GABBR2: variants seen among roughly 807,000 people sequenced by gnomAD.
GABBR2 encodes gamma-aminobutyric acid type B receptor subunit 2, also known as G-protein coupled receptor 51.
In GABBR2, 23 loss-of-function variants were observed where a neutral mutation model predicts 105.6. That is an observed-to-expected ratio of 0.22 (90% CI 0.16 to 0.31). The LOEUF is 0.31. Among genes scored for constraint, GABBR2 ranks in the 10% least tolerant of loss-of-function variants. The pLI, the probability that GABBR2 is intolerant of heterozygous loss-of-function variation, is 1.00. For synonymous variants in GABBR2, 478 were observed against 499.7 expected (o/e 0.96, Z 0.58); for missense variants, 734 against 1,245.5 (o/e 0.59, Z 6.18).
chr9:98,578,683 T>C (rs1182894), intron 1 of GABBR2, among the ~76,000 whole-genome samples: 112,080 of 152,078 alleles, frequency 0.74, 41,910 homozygotes, highest in African/African-American at 0.84. Context: ...GTATCATTCA[T>C]GATAGCCAAC....
chr9:98,329,556 C>T (rs13297711), intron 13 of GABBR2, among the ~76,000 whole-genome samples: 41,222 of 152,106 alleles, frequency 0.27, 5,848 homozygotes, highest in East Asian at 0.48. Context: ...TCCCTAGCCA[C>T]GTTCACCCAC....
intron 1 of GABBR2, among the ~76,000 whole-genome samples, chr9:98,645,305 G>A (rs2131840543): frequency 6.6e-6 from 1 of 152,350 alleles, no homozygotes; most frequent in Non-Finnish European, 1.5e-5. Context: ...AGAGCTGGGA[G>A]ACTAAAAGCA....
At chr9:98,418,351 C>A (rs1832724314) in intron 7 of GABBR2, among the ~76,000 whole-genome samples, 1 of 152,042 alleles carries the variant, frequency 6.6e-6, no homozygotes, top group African/African-American at 2.4e-5. Context: ...GGCTAGGCAA[C>A]ATAGCGAGAC....
At chr9:98,440,213 T>G (rs56305554) in intron 7 of GABBR2, among the ~76,000 whole-genome samples, 3 of 151,410 alleles carry the variant, frequency 2.0e-5, no homozygotes, top group Non-Finnish European at 4.4e-5. Flanking sequence ...TTCTTGCTCT[T>G]GTTCTGTCCC....
chr9:98,508,048 C>A (rs1827548917), intron 3 of GABBR2, among the ~76,000 whole-genome samples: 1 of 152,300 alleles, frequency 6.6e-6, no homozygotes. Flanking sequence ...TTCCTTGTGA[C>A]AAACTGCCCA....
At position 98,492,432 on chromosome 9, in the gene GABBR2, C is replaced by G. The variant is rs142480268; in HGVS notation, c.732+3981G>C. On this transcript the variant is annotated intron_variant, in intron 4 of 18. Transcript: ENST00000259455. Reference sequence around the variant, plus strand: ...GACTATATACAGAGTTCCCATACAACCCCTCATCCAGTTTTCCCTATTATT... The same window carrying G: ...GACTATATACAGAGTTCCCATACAAGCCCTCATCCAGTTTTCCCTATTATT... Among the ~76,000 whole-genome samples, 578 of 142,558 alleles carry G rather than the reference C, an allele frequency of 4.1e-3. 13 individuals carry two copies. Among genetic ancestry groups the G allele is most frequent in the Admixed American group, 0.013 (180 of 13,486 alleles). 93.5% of individuals were successfully genotyped at this position (142,558 alleles called of 152,430 possible). A position where few individuals can be genotyped will look rare whatever the true frequency, so the allele number is the denominator to read the frequency against.
intron 7 of GABBR2, among the ~76,000 whole-genome samples, chr9:98,448,224 T>C (rs550603533): frequency 2.6e-5 from 4 of 151,044 alleles, no homozygotes; most frequent in Middle Eastern, 3.2e-3. Context: ...CCACCGAGAA[T>C]GAGGGACAGT....
At chr9:98,414,829 T>A (rs1044350408) in intron 7 of GABBR2, among the ~76,000 whole-genome samples, 1 of 152,088 alleles carries the variant, frequency 6.6e-6, no homozygotes, top group African/African-American at 2.4e-5. Context: ...GCTTCCCCGT[T>A]TTCCCCCCTG....
chr9:98,466,662 T>C (rs2808551), intron 6 of GABBR2, among the ~76,000 whole-genome samples: 106,596 of 152,160 alleles, frequency 0.7, 40,224 homozygotes, highest in East Asian at 0.9. Flanking sequence ...TACAAATCTG[T>C]GAGAGAGATA....
intron 6 of GABBR2, among the ~76,000 whole-genome samples, chr9:98,463,753 G>A (rs1207248924): frequency 2.0e-5 from 3 of 152,066 alleles, no homozygotes; most frequent in South Asian, 4.2e-4. Context: ...CTCCTGCCTC[G>A]GCCTGCCTAG....
intron 12 of GABBR2, among the ~76,000 whole-genome samples, chr9:98,367,144 T>G (rs1831691448): frequency 6.7e-6 from 1 of 149,582 alleles, no homozygotes; most frequent in African/African-American, 2.5e-5. Context: ...GCATATGGGG[T>G]GAAGTTTGTG....
intron 7 of GABBR2, among the ~76,000 whole-genome samples, chr9:98,441,083 T>C (rs1826022879): frequency 6.6e-6 from 1 of 152,232 alleles, no homozygotes; most frequent in Non-Finnish European, 1.5e-5. Context: ...ATTTGCTATT[T>C]ATATTTTCAA....
intron 1 of GABBR2, among the ~76,000 whole-genome samples, chr9:98,597,346 G>A (rs1374950742): frequency 1.3e-5 from 2 of 152,230 alleles, no homozygotes; most frequent in Non-Finnish European, 2.9e-5. Context: ...CATGGGCTGA[G>A]TGCCCACTAG....
At chr9:98,319,568 T>G (rs1282979981) in intron 13 of GABBR2, among the ~76,000 whole-genome samples, 1 of 151,894 alleles carries the variant, frequency 6.6e-6, no homozygotes, top group East Asian at 1.9e-4. Flanking sequence ...GAGCAATTAT[T>G]TGTTGGGAGG....
intron 3 of GABBR2, among the ~76,000 whole-genome samples, chr9:98,511,148 A>T (rs1170973510): frequency 6.6e-6 from 1 of 152,182 alleles, no homozygotes; most frequent in Non-Finnish European, 1.5e-5. Flanking sequence ...CCTGCACCTC[A>T]ATGACTACTG....
At chr9:98,531,586 C>A (rs1198932448) in intron 3 of GABBR2, among the ~76,000 whole-genome samples, 1 of 152,374 alleles carries the variant, frequency 6.6e-6, no homozygotes, top group East Asian at 1.9e-4. Context: ...GAGCCCCTGA[C>A]AGGCGGTGGC....
chr9:98,358,158 T>C (rs1295279972), intron 13 of GABBR2, among the ~76,000 whole-genome samples: 1 of 152,240 alleles, frequency 6.6e-6, no homozygotes, highest in Admixed American at 6.5e-5. Flanking sequence ...TTATAAACAG[T>C]GCTGCTGTGA....
rs536669208 is a variant in GABBR2 at position 98,398,115 on chromosome 9, G to A, written c.1298-3860C>T. The stretch of plus-strand genomic sequence containing the variant: ...ATCCAGTCTGTATCCAATTTTATTT[G>A]GGGTGGGTGTAATAACTGCCAGGGG... On this transcript the variant is annotated intron_variant, in intron 8 of 18. Transcript: ENST00000259455. Among the ~76,000 whole-genome samples, 19 of 152,216 alleles carry A rather than the reference G, an allele frequency of 1.2e-4. No homozygotes were observed. In the South Asian group the frequency reaches 3.5e-3, roughly 28 times the overall value.
chr9:98,482,440 AG>A (rs1458648423), intron 4 of GABBR2, among the ~76,000 whole-genome samples: 4 of 152,210 alleles, frequency 2.6e-5, no homozygotes, highest in African/African-American at 4.8e-5. Flanking sequence ...TGCTATAAAA[AG>A]TTCTAAGCTG....
Sources: allele counts gnomAD v4.1 joint callset (sites outside exome capture counted in the v4.1 genomes callset), GRCh38; gene constraint gnomAD v4.1.1; transcripts MANE v1.5; gene names NCBI Gene and HGNC (gene_info 2026-07-23, HGNC 2026-07-21).